SMAD3: variants seen among roughly 807,000 people sequenced by gnomAD.
SMAD3 encodes SMAD family member 3.
A neutral mutation model predicts 51.8 loss-of-function variants in SMAD3; 12 were observed. The observed-to-expected ratio is 0.23, with a 90% CI of 0.15 to 0.38. The LOEUF is 0.38. Ranked by LOEUF, SMAD3 falls within the 10% of genes least tolerant of loss-of-function variation. SMAD3 has a pLI of 1.00. For synonymous variants in SMAD3, 238 were observed against 227.7 expected (o/e 1.05, Z -0.41); for missense variants, 294 against 565.6 (o/e 0.52, Z 4.87).
intron 1 of SMAD3, among the ~76,000 whole-genome samples, chr15:67,130,313 C>A (rs1046779657): frequency 6.6e-6 from 1 of 152,168 alleles, no homozygotes; most frequent in Admixed American, 6.5e-5. Context: ...CTCACCTGAC[C>A]TCCTTCTCTT....
chr15:67,071,164 G>A (rs548803070), intron 1 of SMAD3, among the ~76,000 whole-genome samples: 1 of 152,250 alleles, frequency 6.6e-6, no homozygotes, highest in South Asian at 2.1e-4. Context: ...GGTGTAGAGA[G>A]GAGGAGAACC....
chr15:67,073,566 A>G (rs1426218262), intron 1 of SMAD3, among the ~76,000 whole-genome samples: 1 of 152,228 alleles, frequency 6.6e-6, no homozygotes, highest in Non-Finnish European at 1.5e-5. Context: ...ACCTGGGACA[A>G]GTCACCTTCT....
At chr15:67,090,184 A>G (rs1960481143) in intron 1 of SMAD3, among the ~76,000 whole-genome samples, 1 of 152,146 alleles carries the variant, frequency 6.6e-6, no homozygotes, top group South Asian at 2.1e-4. Context: ...CCCATTTTGC[A>G]GGACTGAGAG....
At chr15:67,115,870 T>C (rs369367798) in intron 1 of SMAD3, among the ~76,000 whole-genome samples, 2 of 152,082 alleles carry the variant, frequency 1.3e-5, no homozygotes, top group African/African-American at 4.8e-5. Context: ...CAAGGGGTGG[T>C]GGTCTGGGAA....
Position 67,066,184 on chromosome 15 carries a change from G to A in SMAD3, c.30G>A (p.Pro10=). MSSILPFTP[P]IVKRLLGWKK... is the part of the protein sequence containing the mutation. ...CGTCCATCCTGCCTTTCACTCCCCC[G>A]ATCGTGAAGCGCCTGCTGGGCTGGA... Residue 10 remains proline (P), a synonymous_variant, in exon 1 of 9, where the codon CCG becomes CCA. Transcript: ENST00000327367. 6.2e-7 allele frequency: 1 copy of A among 1,609,516 alleles called. No individual in the cohort carries two copies. The highest frequency in any genetic ancestry group is 8.5e-7 in the Non-Finnish European group (1 of 1,178,386).
intron 1 of SMAD3, chr15:67,125,833 G>A: frequency 1.0e-6 from 1 of 985,420 alleles, no homozygotes; most frequent in Non-Finnish European, 1.2e-6. Flanking sequence ...GCAACATGTG[G>A]GCAAGAGCCG....
intron 1 of SMAD3, chr15:67,142,719 C>CA (rs1961862964): frequency 3.1e-6 from 1 of 327,862 alleles, no homozygotes; most frequent in Admixed American, 3.8e-5. Context: ...TTAAGACATT[C>CA]AAAAACCACT....
At chr15:67,139,202 G>C (rs543163935) in intron 1 of SMAD3, among the ~76,000 whole-genome samples, 1 of 152,288 alleles carries the variant, frequency 6.6e-6, no homozygotes, top group South Asian at 2.1e-4. Flanking sequence ...TTAAGTTTAC[G>C]TGGATCTTGA....
rs140848808 is a variant in SMAD3 at position 67,132,962 on chromosome 15, T to C, written c.207-31933T>C. ...ATGTCCTTCAGGACATTCTGCCCTGTTCACTTGGATTTCTCTCCTCCCTGC... is the reference window on the plus strand; with the variant it reads ...ATGTCCTTCAGGACATTCTGCCCTGCTCACTTGGATTTCTCTCCTCCCTGC... On this transcript the variant is annotated intron_variant, in intron 1 of 8. Transcript: ENST00000327367. Among the ~76,000 whole-genome samples the C allele has an allele frequency of 4.1e-4, 63 of 152,328 alleles. No individual in the cohort carries two copies. In the East Asian group the frequency reaches 8.7e-3, roughly 21 times the overall value.
intron 1 of SMAD3, among the ~76,000 whole-genome samples, chr15:67,088,757 C>T (rs977112025): frequency 3.3e-5 from 5 of 152,008 alleles, no homozygotes; most frequent in African/African-American, 9.7e-5. Flanking sequence ...TGAAACCCTG[C>T]CTCTACTAAA....
At chr15:67,186,487 CAG>C (rs1301106436) in intron 7 of SMAD3, among the ~76,000 whole-genome samples, 1 of 152,210 alleles carries the variant, frequency 6.6e-6, no homozygotes, top group Non-Finnish European at 1.5e-5. Context: ...GCGACCAGCT[CAG>C]AGTCACACAG....
chr15:67,125,561 C>G (rs191302628), intron 1 of SMAD3, among the ~76,000 whole-genome samples: 1 of 152,178 alleles, frequency 6.6e-6, no homozygotes, highest in Non-Finnish European at 1.5e-5. Flanking sequence ...ACTTTTTAGG[C>G]GTTATTGGGC....
At chr15:67,071,263 A>T (rs911418892) in intron 1 of SMAD3, among the ~76,000 whole-genome samples, 1 of 152,220 alleles carries the variant, frequency 6.6e-6, no homozygotes, top group African/African-American at 2.4e-5. Flanking sequence ...TTTTTGGTAC[A>T]TGGGGATAGT....
At chr15:67,099,908 G>C (rs145279479) in intron 1 of SMAD3, among the ~76,000 whole-genome samples, 1 of 152,212 alleles carries the variant, frequency 6.6e-6, no homozygotes, top group East Asian at 1.9e-4. Context: ...GTGGCCGGGC[G>C]CAGTGGCTTG....
chr15:67,087,964 G>A (rs1960429753), intron 1 of SMAD3, among the ~76,000 whole-genome samples: 2 of 152,192 alleles, frequency 1.3e-5, no homozygotes, highest in South Asian at 2.1e-4. Context: ...CCCTTTGGAA[G>A]CCATGGTTTA....
At chr15:67,185,178 C>CTT (rs1963190794) in intron 7 of SMAD3, among the ~76,000 whole-genome samples, 1 of 152,216 alleles carries the variant, frequency 6.6e-6, no homozygotes, top group African/African-American at 2.4e-5. Flanking sequence ...ATGCAGGGCT[C>CTT]TGTGCCAGGT....
chr15:67,149,316 G>A (rs547665670), intron 1 of SMAD3, among the ~76,000 whole-genome samples: 72 of 152,346 alleles, frequency 4.7e-4, no homozygotes, highest in African/African-American at 1.6e-3. Context: ...GGAAGTGGGG[G>A]TGAGGTGGTG....
intron 4 of SMAD3, among the ~76,000 whole-genome samples, 154 bp from the exon 5 acceptor site, chr15:67,170,400 A>AG (rs1268481638): frequency 2.0e-5 from 3 of 152,178 alleles, no homozygotes; most frequent in African/African-American, 7.2e-5. Context: ...AGTAGAGGCA[A>AG]GGGTATGGGC....
At position 67,184,740 on chromosome 15, in the gene SMAD3, G is replaced by A. The variant is rs139616052; in HGVS notation, c.885G>A (p.Arg295=). The A allele has an allele frequency of 1.1e-4, 175 of 1,613,974 alleles. No individual in the cohort carries two copies. Among genetic ancestry groups the A allele is most frequent in the Non-Finnish European group, 1.4e-4 (163 of 1,180,054 alleles). Residue 295 remains arginine (R), a synonymous_variant, in exon 7 of 9, where the codon CGG becomes CGA. Coordinates refer to ENST00000327367, the MANE Select transcript of SMAD3 (RefSeq NM_005902.4). ...LTRRHIGRGV[R]LYYIGGEVFA... ...GAATCTCTGTAGGAAGAGGCGTGCG[G>A]CTCTACTACATCGGAGGGGAGGTCT...
Sources: allele counts gnomAD v4.1 joint callset (sites outside exome capture counted in the v4.1 genomes callset), GRCh38; gene constraint gnomAD v4.1.1; transcripts MANE v1.5; gene names NCBI Gene and HGNC (gene_info 2026-07-23, HGNC 2026-07-21).